The following BEST1 variants were observed in gnomAD, a reference collection of about 807,000 sequenced individuals.
BEST1 encodes bestrophin-1.
BEST1 carries 58 observed loss-of-function variants against 63.3 expected under a neutral mutation model. That is an observed-to-expected ratio of 0.92 (90% confidence interval 0.74 to 1.14). The LOEUF (loss-of-function observed/expected upper bound fraction) is 1.14. Among genes scored for constraint, BEST1 ranks in the 50% most tolerant of loss-of-function variants. The pLI is 0.00. For synonymous variants in BEST1, 283 were observed against 291.6 expected, an observed-to-expected ratio of 0.97 and a Z score of 0.30; for missense variants, 671 against 740.1, an observed-to-expected ratio of 0.91 and a Z score of 1.08.
chr11:61,953,975 C>T (rs1304617078), intron 2 of BEST1, among the ~76,000 whole-genome samples: 3 of 151,986 alleles, frequency 2.0e-5, no homozygotes, highest in East Asian at 3.8e-4. Flanking sequence ...ATATAATCAC[C>T]GAATATATGA....
intron 9 of BEST1, chr11:61,962,041 G>C: frequency 1.7e-6 from 1 of 604,042 alleles, no homozygotes; most frequent in Non-Finnish European, 2.9e-6. Context: ...GGTCAAGAGG[G>C]AATCAACAAA....
intron 4 of BEST1, among the ~76,000 whole-genome samples, chr11:61,956,455 G>A (rs1348546020): frequency 6.6e-6 from 1 of 151,972 alleles, no homozygotes; most frequent in Admixed American, 6.6e-5. Context: ...TGTTTGAGAC[G>A]CCCCTGAGCA....
Position 61,962,877 on chromosome 11 carries a change from T to C in BEST1, c.1723T>C (p.Trp575Arg). The change falls in exon 10 of 11, where the codon TGG (tryptophan) becomes CGG (arginine). Residue 575 changes from tryptophan (W) to arginine (R), a missense_variant. Coordinates refer to ENST00000378043, the MANE Select transcript of BEST1 (RefSeq NM_004183.4). ...ACTCAAAGATCACATGGATCCTTAT[T>C]GGGCCTTGGAAAACAGGTCTGTCCT... ...TTLKDHMDPY[W>R]ALENRDEAHS The C allele has an allele frequency of 6.2e-7, 1 of 1,614,172 alleles. No individual in the cohort carries two copies. Among genetic ancestry groups the C allele is most frequent in the South Asian group, 1.1e-5 (1 of 91,082 alleles).
At chr11:61,959,601 C>G (rs1941826455) in intron 8 of BEST1, 23 bp downstream of exon 8, 1 of 1,613,026 alleles carries the variant, frequency 6.2e-7, no homozygotes, top group African/African-American at 1.3e-5. Context: ...GGAGAGAAAC[C>G]ATACCATGGA....
chr11:61,959,709 T>C, intron 8 of BEST1, 131 bp downstream of exon 8: 1 of 1,290,060 alleles, frequency 7.8e-7, no homozygotes. Context: ...CTGCAGCCAG[T>C]CATTCACTCA....
At chr11:61,963,748 A>T (rs1451629426) in intron 10 of BEST1, 1 of 1,175,910 alleles carries the variant, frequency 8.5e-7, no homozygotes, top group Non-Finnish European at 1.1e-6. Flanking sequence ...ATATTTAAGA[A>T]TCTTGTCTTG....
Position 61,958,883 on chromosome 11 carries a change from CACACACACACACACACACACACAT to C in BEST1, c.868-598_868-575del, listed in dbSNP as rs1187486995. The C allele has an allele frequency of 6.1e-3, 402 of 65,852 alleles. 2 individuals carry two copies. The highest frequency in any genetic ancestry group is 0.024 in the African/African-American group (375 of 15,806). 4.1% of individuals were successfully genotyped at this position (65,852 alleles called of 1,614,324 possible). A position where few individuals can be genotyped will look rare whatever the true frequency, so the allele number is the denominator to read the frequency against. On this transcript the variant is annotated intron_variant, in intron 7 of 10. Coordinates refer to ENST00000378043, the MANE Select transcript of BEST1 (RefSeq NM_004183.4). Reference sequence around the variant, plus strand: ...CCTTCCTGTCACTGTGACACACACACACACACACACACACACACACACATACACACACACACACACGCATTCCTA... The same window carrying C: ...CCTTCCTGTCACTGTGACACACACACACACACACACACACACGCATTCCTA...
At chr11:61,957,555 G>C (rs1402097171) in intron 6 of BEST1, 91 bp downstream of exon 6, 2 of 1,247,510 alleles carry the variant, frequency 1.6e-6, no homozygotes, top group African/African-American at 3.0e-5. Flanking sequence ...TCACCTAGAG[G>C]CTAAGTGGCT....
Position 61,962,365 on chromosome 11 carries a change from C to T in BEST1, c.1211C>T (p.Pro404Leu), listed in dbSNP as rs761325462. The change falls in exon 10 of 11, where the codon CCC (proline) becomes CTC (leucine). Residue 404 changes from proline (P) to leucine (L), a missense_variant. Transcript: ENST00000378043. ...LGLQSHDHHPPRANSRTKLLW... is the reference protein window; with the variant it reads ...LGLQSHDHHPLRANSRTKLLW... ...CTGCAGTCCCATGATCACCATCCTC[C>T]CAGGGCAAACTCAAGGACCAAACTA... 2.4e-5 allele frequency: 39 copies of T among 1,614,038 alleles called. No homozygotes were observed. Among genetic ancestry groups the T allele is most frequent in the Non-Finnish European group, 3.1e-5 (36 of 1,180,022 alleles).
intron 7 of BEST1, chr11:61,958,873 G>GACACACACACAC (rs71471844): frequency 1.6e-5 from 3 of 192,866 alleles, no homozygotes; most frequent in Admixed American, 8.2e-5. Context: ...CTGTCACTGT[G>GACACACACACAC]ACACACACAC....
Position 61,956,831 on chromosome 11 carries a change from C to T in BEST1, c.482-13C>T. The T allele has an allele frequency of 6.2e-7, 1 of 1,614,048 alleles. No individual in the cohort carries two copies. Among genetic ancestry groups the T allele is most frequent in the Non-Finnish European group, 8.5e-7 (1 of 1,180,010 alleles). On this transcript the variant is annotated splice_polypyrimidine_tract_variant and intron_variant, in intron 4 of 10. Transcript: ENST00000378043. ...GTTCTCCCACCCACCGCCTTCTTCA[C>T]TCCACTCTGCAGGCTTTATGACTCC...
At chr11:61,961,998 G>A in intron 9 of BEST1, 1 of 546,192 alleles carries the variant, frequency 1.8e-6, no homozygotes, top group Non-Finnish European at 3.3e-6. Context: ...TACACGCCAG[G>A]CGGGGTGGTT....
rs1482220438 is a variant in BEST1 at position 61,952,025 on chromosome 11, G to A, written c.152+67G>A. 18 of 1,560,338 alleles carry A rather than the reference G, an allele frequency of 1.2e-5. No homozygotes were observed. In the Admixed American group the frequency reaches 1.8e-4, roughly 16 times the overall value. On this transcript the variant is annotated intron_variant, in intron 2 of 10. Transcript: ENST00000378043. The stretch of plus-strand genomic sequence containing the variant: ...TGGCTGGGGCTGGGAGCTCCTGGGG[G>A]CCTCCCAGCCAGCTCAGGGGCCAGT...
chr11:61,961,875 A>G (rs1027331761), intron 9 of BEST1: 5 of 231,806 alleles, frequency 2.2e-5, no homozygotes, highest in African/African-American at 4.5e-5. Context: ...AATTCCTGGC[A>G]TTGCCCAGAG....
intron 4 of BEST1, 100 bp downstream of exon 4, chr11:61,956,051 T>A: frequency 8.3e-7 from 1 of 1,198,602 alleles, no homozygotes; most frequent in Non-Finnish European, 1.2e-6. Context: ...TCCCCCGGAC[T>A]CGGGGGATTG....
At chr11:61,951,601 G>C (rs571541777) in intron 1 of BEST1, among the ~76,000 whole-genome samples, 170 bp from the exon 2 acceptor site, 5 of 152,184 alleles carry the variant, frequency 3.3e-5, no homozygotes, top group African/African-American at 4.8e-5. Context: ...ACTTTCTTGC[G>C]TTTCTACTTC....
chr11:61,963,742 T>A (rs1942310992), intron 10 of BEST1: 1 of 1,168,374 alleles, frequency 8.6e-7, no homozygotes, highest in South Asian at 1.9e-5. Context: ...ATGTTAATAT[T>A]TAAGAATCTT....
chr11:61,957,984 A>AC lies in BEST1; in HGVS notation c.715-161dup, dbSNP rs531466603. Among the ~76,000 whole-genome samples the AC allele has an allele frequency of 5.0e-4, 76 of 151,402 alleles. 1 individual carries two copies. The highest frequency in any genetic ancestry group is 2.8e-3 in the Admixed American group (42 of 15,204). On this transcript the variant is annotated intron_variant, in intron 6 of 10. Transcript: ENST00000378043. ...GCAAGACTCTGTCTCAAACAAACAA[A>AC]CAAACAAACAAACAAAGGGGTTAAC...
At chr11:61,955,687 T>C in intron 3 of BEST1, 31 bp from the exon 4 acceptor site, 165 of 967,186 alleles carry the variant, frequency 1.7e-4, no homozygotes, top group Non-Finnish European at 2.4e-4. Flanking sequence ...GCCTGGCCCC[T>C]CGCCCCTCGC....
Sources: allele counts gnomAD v4.1 joint callset (sites outside exome capture counted in the v4.1 genomes callset), GRCh38; gene constraint gnomAD v4.1.1; transcripts MANE v1.5; gene names NCBI Gene and HGNC (gene_info 2026-07-23, HGNC 2026-07-21).